Variants in MUCL3 observed in about 807,000 individuals in gnomAD.
The protein encoded by MUCL3 is mucin-like protein 3.
MUCL3 carries 42 observed loss-of-function variants against 70.2 expected under a neutral mutation model. That is an observed-to-expected ratio of 0.60 (90% CI 0.47 to 0.77). The LOEUF is 0.77. Ranked by LOEUF, MUCL3 falls within the 30% of genes least tolerant of loss-of-function variation. MUCL3 has a pLI of 0.00. For synonymous variants in MUCL3, 522 were observed against 647.0 expected (o/e 0.81, Z 2.93); for missense variants, 1,429 against 1,670.0 (o/e 0.86, Z 2.52).
intron 1 of MUCL3, among the ~76,000 whole-genome samples, chr6:30,941,451 CTTCTTCTTTTT>C (rs1220338207): frequency 9.3e-6 from 1 of 107,342 alleles, no homozygotes; most frequent in Non-Finnish European, 1.9e-5. Flanking sequence ...TCTTCTTCTT[CTTCTTCTTTTT>C]TTTTTTTTTT....
Position 30,952,425 on chromosome 6 carries a change from C to A in MUCL3, c.3961C>A (p.Pro1321Thr), listed in dbSNP as rs751659761. 17 of 1,613,754 alleles carry A rather than the reference C, an allele frequency of 1.1e-5. No homozygotes were observed. The Admixed American group carries it at 2.7e-4, about 25-fold the overall frequency. ...AGQMGENDSF[P>T]AWAIVIVVLV... The stretch of plus-strand genomic sequence containing the variant: ...ACAGATGGGAGAGAATGATTCATTC[C>A]CTGCATGGGCCATAGTTATTGTGGT... Residue 1321 changes from proline to threonine, a missense_variant, in exon 2 of 3, where the codon CCT becomes ACT. Physicochemically the swap from Pro to Thr is conservative, Grantham distance 38. Transcript: ENST00000462446.
At chr6:30,948,480 G>A in intron 1 of MUCL3, 67 bp from the exon 2 acceptor site, 1 of 1,232,550 alleles carries the variant, frequency 8.1e-7, no homozygotes, top group Non-Finnish European at 1.1e-6. Context: ...CCTAGAGAAG[G>A]AGGTGGGAAG....
chr6:30,946,026 T>A (rs1355889421), intron 1 of MUCL3: 1 of 152,244 alleles, frequency 6.6e-6, no homozygotes, highest in African/African-American at 2.4e-5. Context: ...CAGAAAGTGA[T>A]GAGTGCTGTG....
At chr6:30,944,224 CCTTCCTTTTCTTTCTTTT>C (rs1419652998) in intron 1 of MUCL3, among the ~76,000 whole-genome samples, 2 of 151,706 alleles carry the variant, frequency 1.3e-5, no homozygotes, top group Non-Finnish European at 2.9e-5. Flanking sequence ...TCCCTTCCTT[CCTTCCTTTTCTTTCTTTT>C]CTTCCTTTTC....
chr6:30,947,228 G>A (rs1419499171), intron 1 of MUCL3, among the ~76,000 whole-genome samples: 1 of 152,196 alleles, frequency 6.6e-6, no homozygotes, highest in Non-Finnish European at 1.5e-5. Context: ...CAGGTAATGG[G>A]ATTGGGACAG....
Position 30,952,235 on chromosome 6 carries a change from C to T in MUCL3, c.3771C>T (p.Thr1257=). 6.2e-7 allele frequency: 1 copy of T among 1,614,136 alleles called. No homozygotes were observed. The highest frequency in any genetic ancestry group is 1.1e-5 in the South Asian group (1 of 91,066). ...KVTGDKSLTT[T]SSHLNKTEVT... ...CAGGAGACAAATCTCTCACTACTAC[C>T]TCTTCTCATCTAAATAAAACTGAAG... Residue 1257 remains threonine, a synonymous_variant, in exon 2 of 3, where the codon ACC becomes ACT. Coordinates refer to ENST00000462446, the MANE Select transcript of MUCL3 (RefSeq NM_080870.4).
rs1760464918 is a variant in MUCL3 at position 30,949,110 on chromosome 6, T to C, written c.646T>C (p.Ser216Pro). ...TTTSFHNSGN[S>P]QTKQKSTSFP... ...AACTTCCTTCCACAACTCAGGCAAT[T>C]CACAGACCAAGCAAAAAAGCACATC... The change falls in exon 2 of 3, where the codon TCA becomes CCA. Residue 216 changes from serine to proline, a missense_variant. Transcript: ENST00000462446. The C allele has an allele frequency of 6.4e-7, 1 of 1,551,054 alleles. No homozygotes were observed. Among genetic ancestry groups the C allele is most frequent in the Non-Finnish European group, 8.7e-7 (1 of 1,146,866 alleles).
chr6:30,941,053 C>T lies in MUCL3; in HGVS notation c.54C>T (p.Leu18=). 6 of 1,550,820 alleles carry T rather than the reference C, an allele frequency of 3.9e-6. No individual in the cohort carries two copies. Among genetic ancestry groups the T allele is most frequent in the South Asian group, 1.2e-5 (1 of 84,062 alleles). ...CCGCCTTTGGCCTCCAGTGCTGCCT[C>T]CTCTTCCTTCTAGCTTCTTGGGGGG... is the stretch of plus-strand genomic sequence containing the variant. ...LCSAFGLQCC[L]LFLLASWGAG... The change falls in exon 1 of 3, where the codon CTC becomes CTT. Residue 18 remains leucine (L), a synonymous_variant. Coordinates refer to ENST00000462446, the MANE Select transcript of MUCL3 (RefSeq NM_080870.4).
rs1417029494 is a variant in MUCL3, at chr6:30,953,238, A to G, written c.*121A>G. ...AGGGCAGAGAATACTGACGGTTACC[A>G]GTATTAACCCTTCATCTGTTCTTGA... On this transcript the variant is annotated 3_prime_UTR_variant, in exon 3 of 3. Coordinates refer to ENST00000462446, the MANE Select transcript of MUCL3 (RefSeq NM_080870.4). The G allele has an allele frequency of 1.7e-5, 24 of 1,409,506 alleles. No homozygotes were observed. The highest frequency in any genetic ancestry group is 2.2e-5 in the Non-Finnish European group (23 of 1,060,638). 87.3% of individuals were successfully genotyped at this position (1,409,506 alleles called of 1,614,324 possible).
At position 30,950,042 on chromosome 6, in the gene MUCL3, C is replaced by A. The variant is rs1219489667; in HGVS notation, c.1578C>A (p.Thr526=). 6.6e-7 allele frequency: 1 copy of A among 1,506,762 alleles called. No homozygotes were observed. The allele number at this position is 1,506,762 out of a possible 1,614,324, so 93.3% of individuals were successfully genotyped here. ...SAEPTEHGER[T]PLANENTTPS... ...AGCCTACAGAACACGGAGAAAGGAC[C>A]CCACTGGCCAATGAGAACACCACAC... The change falls in exon 2 of 3, where the codon ACC becomes ACA. Residue 526 remains threonine (T), a synonymous_variant. Transcript: ENST00000462446.
rs1760460208 is a variant in MUCL3, at chr6:30,949,083, A to G, written c.619A>G (p.Thr207Ala). Residue 207 changes from threonine (T) to alanine (A), a missense_variant, in exon 2 of 3, where the codon ACA (threonine) becomes GCA (alanine). Transcript: ENST00000462446. ...DKTSTSSHKTTTSFHNSGNSQ... is the reference protein window; with the variant it reads ...DKTSTSSHKTATSFHNSGNSQ... ...GACAAGTACCAGCTCACATAAGACT[A>G]CAACTTCCTTCCACAACTCAGGCAA... 2 of 1,550,922 alleles carry G rather than the reference A, an allele frequency of 1.3e-6. No individual in the cohort carries two copies. The highest frequency in any genetic ancestry group is 1.7e-6 in the Non-Finnish European group (2 of 1,146,780).
chr6:30,952,357 C>CA lies in MUCL3; in HGVS notation c.3894dup (p.Tyr1299IlefsTer4). ...GAAGCCACAGGAAACGAGAGCCATC[C>CA]ATACCTCAATAAAGATGGCTCACAG... On this transcript the variant is annotated frameshift_variant, in exon 2 of 3. Transcript: ENST00000462446. LOFTEE classifies it high-confidence loss of function. The CA allele has an allele frequency of 3.7e-6, 6 of 1,614,206 alleles. No individual in the cohort carries two copies. Among genetic ancestry groups the CA allele is most frequent in the Non-Finnish European group, 5.1e-6 (6 of 1,180,044 alleles).
At chr6:30,947,716 C>G (rs1760371793) in intron 1 of MUCL3, among the ~76,000 whole-genome samples, 1 of 151,196 alleles carries the variant, frequency 6.6e-6, no homozygotes, top group Non-Finnish European at 1.5e-5. Context: ...ATATCTTTTC[C>G]TTTCAGGATG....
At chr6:30,942,958 A>G (rs1795640109) in intron 1 of MUCL3, among the ~76,000 whole-genome samples, 1 of 152,078 alleles carries the variant, frequency 6.6e-6, no homozygotes, top group Admixed American at 6.6e-5. Flanking sequence ...CATTCTGCAG[A>G]TTTTGAAGAC....
intron 1 of MUCL3, among the ~76,000 whole-genome samples, chr6:30,945,681 G>A (rs3132581): frequency 0.091 from 13,824 of 151,872 alleles, 802 homozygotes; most frequent in Non-Finnish European, 0.14. Context: ...CCGGCCGGAT[G>A]CAATGGCTCA....
In MUCL3 at chr6:30,949,174, A is replaced by G. The variant is rs1244252014; in HGVS notation, c.710A>G (p.Tyr237Cys). The change falls in exon 2 of 3, where the codon TAC (tyrosine) becomes TGC (cysteine). Residue 237 changes from tyrosine to cysteine, a missense_variant. Physicochemically the swap from Tyr to Cys is radical, Grantham distance 194. Transcript: ENST00000462446. ...EKITAASKTTYKTTGTPEESE... is the reference protein window; with the variant it reads ...EKITAASKTTCKTTGTPEESE... ...ATCACAGCAGCCTCAAAAACAACAT[A>G]CAAGACCACAGGAACCCCAGAAGAG... 5.8e-6 allele frequency: 9 copies of G among 1,551,486 alleles called. No individual in the cohort carries two copies. The highest frequency in any genetic ancestry group is 7.0e-6 in the Non-Finnish European group (8 of 1,146,990).
chr6:30,945,672 C>T (rs1399315894), intron 1 of MUCL3, among the ~76,000 whole-genome samples: 3 of 151,490 alleles, frequency 2.0e-5, no homozygotes, highest in East Asian at 1.9e-4. Context: ...ACAAAAACCC[C>T]GGCCGGATGC....
rs1485810410 is a variant in MUCL3, at chr6:30,949,981, C to T, written c.1517C>T (p.Pro506Leu). 1 of 1,549,368 alleles carries T rather than the reference C, an allele frequency of 6.5e-7. No individual in the cohort carries two copies. Among genetic ancestry groups the T allele is most frequent in the East Asian group, 2.5e-5 (1 of 40,716 alleles). The change falls in exon 2 of 3, where the codon CCA becomes CTA. Residue 506 changes from proline to leucine, a missense_variant. Transcript: ENST00000462446. ...AEPTENGQRT[P>L]FANEKTTSSS... ...CCTACAGAAAATGGACAAAGGACCC[C>T]ATTTGCCAATGAGAAAACCACATCA...
intron 1 of MUCL3, 56 bp from the exon 2 acceptor site, chr6:30,948,491 G>T (rs879122087): frequency 7.5e-7 from 1 of 1,340,530 alleles, no homozygotes; most frequent in Admixed American, 2.8e-5. Context: ...AGGTGGGAAG[G>T]GGGAGTTGGA....
Sources: allele counts gnomAD v4.1 joint callset (sites outside exome capture counted in the v4.1 genomes callset), GRCh38; gene constraint gnomAD v4.1.1; transcripts MANE v1.5; gene names NCBI Gene and HGNC (gene_info 2026-07-23, HGNC 2026-07-21).